EYA3: variants seen among roughly 807,000 people sequenced by gnomAD.
EYA3 encodes protein phosphatase EYA3.
EYA3 carries 39 observed loss-of-function variants against 80.0 expected under a neutral mutation model. The observed-to-expected ratio is 0.49, with a 90% CI of 0.38 to 0.64. The LOEUF (loss-of-function observed/expected upper bound fraction) is 0.64, where lower values mean the gene tolerates loss of function less well. Among genes scored for constraint, EYA3 ranks in the 30% least tolerant of loss-of-function variants. The pLI, the probability that EYA3 is intolerant of heterozygous loss-of-function variation, is 0.00. For missense variants in EYA3, 523 were observed against 676.1 expected (o/e 0.77, Z 2.51); for synonymous variants, 206 against 232.8 (o/e 0.88, Z 1.05).
intron 1 of EYA3, among the ~76,000 whole-genome samples, chr1:28,069,163 A>G (rs1285359541): frequency 6.7e-6 from 1 of 148,710 alleles, no homozygotes; most frequent in Admixed American, 6.8e-5. Context: ...TTTGAAACAG[A>G]GCAGTGACAC....
In EYA3 at chr1:28,036,270, TG is replaced by T. The variant is rs1490764734; in HGVS notation, c.225-591del. Among the ~76,000 whole-genome samples the T allele has an allele frequency of 9.2e-5, 14 of 152,336 alleles. No homozygotes were observed. The South Asian group carries it at 2.7e-3, about 29-fold the overall frequency. ...AAACATTTCTAGTGTGCTACATGCA[TG>T]GCCCTATGTGAGACACAAGGATGGA... On this transcript the variant is annotated intron_variant, in intron 5 of 17. Coordinates refer to ENST00000373871, the MANE Select transcript of EYA3 (RefSeq NM_001990.4).
chr1:28,038,675 C>T (rs933055471), intron 5 of EYA3, among the ~76,000 whole-genome samples, 164 bp downstream of exon 5: 2 of 151,666 alleles, frequency 1.3e-5, no homozygotes, highest in Non-Finnish European at 2.9e-5. Flanking sequence ...TAAAAGGATA[C>T]TACATAGACT....
At chr1:28,007,367 C>T (rs1210226020) in intron 10 of EYA3, among the ~76,000 whole-genome samples, 9 of 147,674 alleles carry the variant, frequency 6.1e-5, no homozygotes, top group Non-Finnish European at 1.2e-4. Context: ...GACAGTCTTG[C>T]TCTGTCACCC....
intron 6 of EYA3, among the ~76,000 whole-genome samples, chr1:28,032,412 T>A (rs79200093): frequency 6.6e-6 from 1 of 152,154 alleles, no homozygotes; most frequent in Admixed American, 6.5e-5. Context: ...AATGAGTATG[T>A]TGGTCAGCAC....
At chr1:27,995,732 G>A (rs1391509321) in intron 13 of EYA3, among the ~76,000 whole-genome samples, 1 of 150,712 alleles carries the variant, frequency 6.6e-6, no homozygotes. Flanking sequence ...AAATAAAAAT[G>A]AACAAAGAAA....
chr1:28,038,881 G>C lies in EYA3; in HGVS notation c.182C>G (p.Pro61Arg). 6.2e-7 allele frequency: 1 copy of C among 1,600,644 alleles called. No homozygotes were observed. Among genetic ancestry groups the C allele is most frequent in the Non-Finnish European group, 8.5e-7 (1 of 1,171,550 alleles). The change falls in exon 5 of 18, where the codon CCT becomes CGT. Residue 61 changes from proline (P) to arginine (R), a missense_variant. Physicochemically the swap from Pro to Arg is moderately radical, Grantham distance 103 (BLOSUM62 -2). Coordinates refer to ENST00000373871, the MANE Select transcript of EYA3 (RefSeq NM_001990.4). ...EEIMTCTDYIPRSSNDYTSQM... is the reference protein window; with the variant it reads ...EEIMTCTDYIRRSSNDYTSQM... ...TGAGGTATAATCATTGGATGAGCGAGGGATGTAATCGGTGCATGTCATAAC... is the reference window on the plus strand; with the variant it reads ...TGAGGTATAATCATTGGATGAGCGACGGATGTAATCGGTGCATGTCATAAC...
At chr1:28,025,115 C>A (rs1308237030) in intron 7 of EYA3, among the ~76,000 whole-genome samples, 1 of 152,020 alleles carries the variant, frequency 6.6e-6, no homozygotes, top group South Asian at 2.1e-4. Flanking sequence ...AAAGTAGGAG[C>A]GAGGAGAGTA....
chr1:28,037,829 A>G (rs1183457969), intron 5 of EYA3, among the ~76,000 whole-genome samples: 4 of 152,246 alleles, frequency 2.6e-5, no homozygotes, highest in Admixed American at 2.6e-4. Context: ...CCTTTTTATA[A>G]CAGCCCCATA....
rs561645235 is a variant in EYA3 at position 28,056,555 on chromosome 1, C to T, written c.33+1439G>A. On this transcript the variant is annotated intron_variant, in intron 2 of 17. Transcript: ENST00000373871. Reference sequence around the variant, plus strand: ...TTTATATTAAGATCTGGGCATAAATCAATAAGGAAATAATGCCCTGTGACA... The same window carrying T: ...TTTATATTAAGATCTGGGCATAAATTAATAAGGAAATAATGCCCTGTGACA... Among the ~76,000 whole-genome samples the T allele has an allele frequency of 2.0e-5, 3 of 152,276 alleles. No individual in the cohort carries two copies. The South Asian group carries it at 6.2e-4, about 32-fold the overall frequency.
At chr1:28,028,074 C>T in intron 6 of EYA3, 148 bp from the exon 7 acceptor site, 1 of 824,388 alleles carries the variant, frequency 1.2e-6, no homozygotes. Flanking sequence ...GAATCTCCCA[C>T]TTGTAATATA....
chr1:28,014,417 CAAAAAAAA>C (rs1173842687), intron 8 of EYA3, among the ~76,000 whole-genome samples: 10 of 49,530 alleles, frequency 2.0e-4, no homozygotes, highest in African/African-American at 7.5e-4. Flanking sequence ...CACACTGTCT[CAAAAAAAA>C]AAAAAAAAAA....
chr1:28,076,501 A>C (rs1284619375), intron 1 of EYA3, among the ~76,000 whole-genome samples: 1 of 151,882 alleles, frequency 6.6e-6, no homozygotes, highest in Non-Finnish European at 1.5e-5. Flanking sequence ...ACTTGAGGTC[A>C]GGAGTTCAAG....
rs1331020848 is a variant in EYA3 at position 27,978,400 on chromosome 1, G to A, written c.1615C>T (p.Arg539Ter). ...KVTYVVIGDG[R>*]DEEIAAKQHN... Reference sequence around the variant, plus strand: ...TGTTTGGCTGCAATTTCTTCATCTCGTCCATCTCCAATCACTACATATGTG... The same window carrying A: ...TGTTTGGCTGCAATTTCTTCATCTCATCCATCTCCAATCACTACATATGTG... The change falls in exon 17 of 18, where the codon CGA (arginine) becomes TGA (stop). Residue 539 changes from arginine to a stop codon, truncating the protein, a stop_gained. Transcript: ENST00000373871. LOFTEE classifies it high-confidence loss of function. 5.0e-6 allele frequency: 8 copies of A among 1,613,396 alleles called. No individual in the cohort carries two copies. The highest frequency in any genetic ancestry group is 2.2e-5 in the East Asian group (1 of 44,852).
intron 2 of EYA3, among the ~76,000 whole-genome samples, chr1:28,057,492 A>G (rs1344862837): frequency 2.0e-5 from 3 of 152,128 alleles, no homozygotes; most frequent in Non-Finnish European, 2.9e-5. Flanking sequence ...AGATAAACCC[A>G]TATCACCTGG....
intron 1 of EYA3, among the ~76,000 whole-genome samples, chr1:28,080,839 C>T (rs572604): frequency 0.014 from 2,098 of 152,204 alleles, 51 homozygotes; most frequent in African/African-American, 0.047. Context: ...CAACCTCCGC[C>T]TCCTGGGTTT....
At chr1:28,082,954 T>G (rs1479053596) in intron 1 of EYA3, among the ~76,000 whole-genome samples, 1 of 152,194 alleles carries the variant, frequency 6.6e-6, no homozygotes, top group Non-Finnish European at 1.5e-5. Context: ...CAATTTGCCT[T>G]AAGCCAGCAT....
chr1:28,021,607 TTC>T (rs1212227969), intron 7 of EYA3, among the ~76,000 whole-genome samples: 6 of 147,448 alleles, frequency 4.1e-5, no homozygotes. Flanking sequence ...AAAATCATTC[TTC>T]TTTTTTTTTT....
At chr1:28,033,182 A>T (rs1357992221) in intron 6 of EYA3, among the ~76,000 whole-genome samples, 1 of 152,208 alleles carries the variant, frequency 6.6e-6, no homozygotes, top group Non-Finnish European at 1.5e-5. Context: ...CACTAAGATG[A>T]CACAATGTAT....
rs552511677 is a variant in EYA3, at chr1:28,004,693, C to T, written c.910-274G>A. On this transcript the variant is annotated intron_variant, in intron 10 of 17. Transcript: ENST00000373871. ...TAGCTTATTTTATATATATGTATTA[C>T]ATTTTACATATATATATGTATTTTA... Among the ~76,000 whole-genome samples, 4 of 151,656 alleles carry T rather than the reference C, an allele frequency of 2.6e-5. No homozygotes were observed. The South Asian group carries it at 8.3e-4, about 31-fold the overall frequency.
Sources: allele counts gnomAD v4.1 joint callset (sites outside exome capture counted in the v4.1 genomes callset), GRCh38; gene constraint gnomAD v4.1.1; transcripts MANE v1.5; gene names NCBI Gene and HGNC (gene_info 2026-07-23, HGNC 2026-07-21).